ZNF232: variants seen among roughly 807,000 people sequenced by gnomAD.
ZNF232 encodes zinc finger protein 232, also known as zinc finger and SCAN domain-containing protein 11.
A neutral mutation model predicts 25.2 loss-of-function variants in ZNF232; 25 were observed. That is an observed-to-expected ratio of 0.99 (90% CI 0.72 to 1.39). ZNF232 has a LOEUF of 1.39. Ranked by LOEUF, ZNF232 falls within the 40% of genes most tolerant of loss-of-function variation. The pLI is 0.00. For synonymous variants in ZNF232, 193 were observed against 182.9 expected, an observed-to-expected ratio of 1.06 and a Z score of -0.45; for missense variants, 519 against 520.9, an observed-to-expected ratio of 1.00 and a Z score of 0.04.
At chr17:5,111,900 G>T (rs2143630467), upstream of ZNF232, 1 of 1,585,948 alleles carries the variant, frequency 6.3e-7, no homozygotes. Flanking sequence ...TCGCAGCCTC[G>T]GCCTCCAACT....
chr17:5,105,844 T>C (rs765255775), exon 4 of ZNF232: 2 of 1,589,216 alleles, frequency 1.3e-6, no homozygotes, highest in African/African-American at 1.4e-5. Flanking sequence ...GGCTCTTTTC[T>C]GGCATGAACT....
chr17:5,121,295 A>G, intron 1 of ZNF232: 1 of 356,266 alleles, frequency 2.8e-6, no homozygotes, highest in Non-Finnish European at 5.5e-6. Context: ...GGGAGGGGCT[A>G]GGATATGGTT....
intron 1 of ZNF232, chr17:5,121,261 G>A (rs1234325845): frequency 2.7e-6 from 1 of 366,452 alleles, no homozygotes; most frequent in African/African-American, 2.1e-5. Flanking sequence ...GTGTGCAGGT[G>A]CCTTTGGGGC....
chr17:5,111,622 G>T, intron 1 of ZNF232, 178 bp downstream of exon 1: 1 of 869,150 alleles, frequency 1.2e-6, no homozygotes, highest in Non-Finnish European at 1.7e-6. Flanking sequence ...TCCACGGCAC[G>T]TGACGCGACG....
upstream of ZNF232, chr17:5,111,868 GGCAGGTTTGCGCCTGC>G (rs772473005): frequency 1.3e-5 from 21 of 1,612,042 alleles, no homozygotes; most frequent in Admixed American, 3.3e-4. Context: ...TCACCCCAGG[GGCAGGTTTGCGCCTGC>G]GCAGGTCGCA....
upstream of ZNF232, chr17:5,112,116 C>G (rs2072431058): frequency 2.0e-6 from 1 of 509,808 alleles, no homozygotes; most frequent in Non-Finnish European, 3.4e-6. Context: ...AGAGTGAGCC[C>G]TTGTAAGCGG....
chr17:5,107,543 C>CTTT (rs563790270), intron 3 of ZNF232, among the ~76,000 whole-genome samples: 5 of 143,418 alleles, frequency 3.5e-5, no homozygotes, highest in Admixed American at 6.9e-5. Flanking sequence ...GGTCATTTGA[C>CTTT]TTTTTTTTTT....
At chr17:5,118,838 C>T (rs527662615) in intron 1 of ZNF232, among the ~76,000 whole-genome samples, 2 of 152,328 alleles carry the variant, frequency 1.3e-5, no homozygotes, top group Admixed American at 6.5e-5. Context: ...GGCCATCTCT[C>T]TCATCTACTG....
At chr17:5,106,034 A>G (rs759342676) in exon 4 of ZNF232, 1 of 1,614,184 alleles carries the variant, frequency 6.2e-7, no homozygotes, top group Non-Finnish European at 8.5e-7. Context: ...TCTGATGCTG[A>G]ACAAGATGAG....
chr17:5,111,777 G>A (rs200064359), intron 1 of ZNF232, 23 bp downstream of exon 1: 8 of 1,613,736 alleles, frequency 5.0e-6, no homozygotes, highest in Middle Eastern at 1.6e-4. Flanking sequence ...GTGGACCTCG[G>A]GGAAGCCGCC....
intron 1 of ZNF232, among the ~76,000 whole-genome samples, chr17:5,117,595 A>G (rs892226570): frequency 2.0e-5 from 3 of 152,178 alleles, no homozygotes; most frequent in Non-Finnish European, 4.4e-5. Flanking sequence ...ATATGTCACA[A>G]TAAGGACTTT....
chr17:5,112,889 G>A (rs745932093), upstream of ZNF232, among the ~76,000 whole-genome samples: 1 of 151,962 alleles, frequency 6.6e-6, no homozygotes, highest in Non-Finnish European at 1.5e-5. Flanking sequence ...AACCCGGGAG[G>A]CAGAGGTTGC....
At chr17:5,114,443 A>G (rs2072483101), upstream of ZNF232, 1 of 152,374 alleles carries the variant, frequency 6.6e-6, no homozygotes, top group African/African-American at 2.4e-5. Flanking sequence ...TTGATGCTGA[A>G]TAAGTTGTGA....
chr17:5,119,946 C>G (rs2072615117), intron 1 of ZNF232, among the ~76,000 whole-genome samples: 2 of 152,094 alleles, frequency 1.3e-5, no homozygotes, highest in Admixed American at 1.3e-4. Flanking sequence ...TCTCTGCCCC[C>G]TCTCCTGCCT....
At chr17:5,108,701 T>A in intron 3 of ZNF232, 1 of 537,544 alleles carries the variant, frequency 1.9e-6, no homozygotes, top group Non-Finnish European at 3.1e-6. Flanking sequence ...AGACCCAAGT[T>A]GAGCTTAATC....
At chr17:5,119,916 G>A (rs1373407248) in intron 1 of ZNF232, among the ~76,000 whole-genome samples, 5 of 151,974 alleles carry the variant, frequency 3.3e-5, no homozygotes, top group African/African-American at 9.7e-5. Context: ...CAGGTCTGTC[G>A]GACTTGTATC....
At position 5,108,990 on chromosome 17, in the gene ZNF232, TCC is replaced by T. The variant is rs1169155913; in HGVS notation, c.559_560del (p.Gly187SerfsTer13). On this transcript the variant is annotated frameshift_variant, in exon 3 of 4. Transcript: ENST00000575898. LOFTEE classifies it high-confidence loss of function. Reference sequence around the variant, plus strand: ...GGATGCTCAGTGCTTCCTGGGCTGCTCCCAGAGATTCCTTCTTCTCCCATGGC... The same window carrying T: ...GGATGCTCAGTGCTTCCTGGGCTGCTCAGAGATTCCTTCTTCTCCCATGGC... The T allele has an allele frequency of 6.2e-7, 1 of 1,614,184 alleles. No individual in the cohort carries two copies. Among genetic ancestry groups the T allele is most frequent in the South Asian group, 1.1e-5 (1 of 91,086 alleles).
At chr17:5,120,639 C>T (rs931644608) in intron 1 of ZNF232, 2 of 381,526 alleles carry the variant, frequency 5.2e-6, no homozygotes, top group Non-Finnish European at 1.0e-5. Flanking sequence ...AATGAAGGCC[C>T]TTTGAGGTCA....
chr17:5,114,721 T>C (rs369895756), upstream of ZNF232: 2 of 152,188 alleles, frequency 1.3e-5, no homozygotes, highest in African/African-American at 4.8e-5. Flanking sequence ...TCCCAGCTAA[T>C]TGGGAGGCTG....
Sources: allele counts gnomAD v4.1 joint callset (sites outside exome capture counted in the v4.1 genomes callset), GRCh38; gene constraint gnomAD v4.1.1; transcripts MANE v1.5; gene names NCBI Gene and HGNC (gene_info 2026-07-23, HGNC 2026-07-21).